LARGE1: variants seen among roughly 807,000 people sequenced by gnomAD.
The protein encoded by LARGE1 is LARGE xylosyl- and glucuronyltransferase 1.
LARGE1 carries 43 observed loss-of-function variants against 87.6 expected under a neutral mutation model. That is an observed-to-expected ratio of 0.49 (90% confidence interval 0.38 to 0.63). LARGE1 has a LOEUF of 0.63. LARGE1 is among the 30% of genes least tolerant of loss of function. The probability of loss-of-function intolerance (pLI) is 0.00; values close to 1 mark genes in which losing one functional copy is unlikely to be tolerated. For synonymous variants in LARGE1, 434 were observed against 394.6 expected (o/e 1.10, Z -1.18); for missense variants, 802 against 1,000.2 (o/e 0.80, Z 2.67).
chr22:33,489,747 G>C (rs2069744806), intron 6 of LARGE1, among the ~76,000 whole-genome samples: 1 of 152,064 alleles, frequency 6.6e-6, no homozygotes, highest in Admixed American at 6.6e-5. Context: ...GTCGTTATCA[G>C]CAGCATGAAA....
chr22:33,899,527 T>C (rs1203297196), intron 1 of LARGE1, among the ~76,000 whole-genome samples: 1 of 152,246 alleles, frequency 6.6e-6, no homozygotes, highest in Non-Finnish European at 1.5e-5. Context: ...CCTGGAAGCA[T>C]GACAGCCAAG....
chr22:33,898,534 C>T (rs1008377969), intron 1 of LARGE1, among the ~76,000 whole-genome samples: 2 of 152,178 alleles, frequency 1.3e-5, no homozygotes, highest in African/African-American at 2.4e-5. Flanking sequence ...GCAGGCGGAT[C>T]GCCTGAGGTT....
At chr22:33,761,910 TG>T (rs1463424530) in intron 1 of LARGE1, among the ~76,000 whole-genome samples, 1 of 152,090 alleles carries the variant, frequency 6.6e-6, no homozygotes, top group Non-Finnish European at 1.5e-5. Context: ...AACCACGTGC[TG>T]TGTTTCAAAA....
In LARGE1 at chr22:33,279,684, A is replaced by G. The variant is rs114428135; in HGVS notation, c.1878-2429T>C. Among the ~76,000 whole-genome samples, 170 of 152,344 alleles carry G rather than the reference A, an allele frequency of 1.1e-3. 1 individual carries two copies. The highest frequency in any genetic ancestry group is 3.8e-3 in the African/African-American group (159 of 41,570). On this transcript the variant is annotated intron_variant, in intron 13 of 14. Coordinates refer to ENST00000397394, the MANE Select transcript of LARGE1 (RefSeq NM_133642.5). ...TAAATGGAAGAAAAATGAAAGGTGA[A>G]GCAATGCCATTTTCATGGAGTGTGG...
intron 1 of LARGE1, among the ~76,000 whole-genome samples, chr22:33,790,148 A>G (rs1378569314): frequency 6.6e-6 from 1 of 152,180 alleles, no homozygotes; most frequent in Non-Finnish European, 1.5e-5. Context: ...CATGGTAGTG[A>G]ATAAGTCTTA....
At chr22:33,673,549 T>G in intron 2 of LARGE1, among the ~76,000 whole-genome samples, 1 of 152,184 alleles carries the variant, frequency 6.6e-6, no homozygotes, top group Non-Finnish European at 1.5e-5. Context: ...TAACATAAAG[T>G]TGACCATCTT....
At chr22:33,734,279 A>G (rs930774396) in intron 2 of LARGE1, among the ~76,000 whole-genome samples, 3 of 152,186 alleles carry the variant, frequency 2.0e-5, no homozygotes. Flanking sequence ...GGACTTCAAC[A>G]TCTTTTGTGG....
At chr22:33,222,990 C>T (rs967908227) in intron 11 of LARGE1, among the ~76,000 whole-genome samples, 6 of 152,162 alleles carry the variant, frequency 3.9e-5, no homozygotes, top group East Asian at 3.9e-4. Flanking sequence ...CTCACCTGCT[C>T]GCTTACGTGT....
At chr22:33,502,386 AG>A (rs763301370) in intron 6 of LARGE1, among the ~76,000 whole-genome samples, 2 of 152,076 alleles carry the variant, frequency 1.3e-5, no homozygotes, top group Non-Finnish European at 2.9e-5. Flanking sequence ...CCAGAGACGG[AG>A]GGAGAATTAT....
At chr22:33,528,899 A>C (rs989767186) in intron 6 of LARGE1, among the ~76,000 whole-genome samples, 1 of 152,140 alleles carries the variant, frequency 6.6e-6, no homozygotes, top group African/African-American at 2.4e-5. Flanking sequence ...TTGAGTGTCT[A>C]CTATACGCCA....
At chr22:33,590,650 C>T (rs886409988) in intron 5 of LARGE1, among the ~76,000 whole-genome samples, 4 of 152,298 alleles carry the variant, frequency 2.6e-5, no homozygotes, top group East Asian at 3.9e-4. Context: ...TGCAGTCTTT[C>T]GGTCTGGCTT....
intron 1 of LARGE1, among the ~76,000 whole-genome samples, chr22:33,809,301 T>C (rs989141594): frequency 1.3e-5 from 2 of 151,938 alleles, no homozygotes; most frequent in Non-Finnish European, 2.9e-5. Context: ...CTGTGTGATG[T>C]ATTTCCCTAG....
chr22:33,081,367 T>C, the LARGE1 span, among the ~76,000 whole-genome samples: 1 of 152,108 alleles, frequency 6.6e-6, no homozygotes, highest in Non-Finnish European at 1.5e-5. Flanking sequence ...GGAAGGACCA[T>C]CTCCAGAAGT....
intron 11 of LARGE1, among the ~76,000 whole-genome samples, chr22:33,196,311 A>G (rs1389715667): frequency 2.0e-5 from 3 of 152,164 alleles, no homozygotes; most frequent in Non-Finnish European, 4.4e-5. Context: ...GAAAGAAAGC[A>G]GAGTTATCAC....
At chr22:33,116,969 T>G in the LARGE1 span, among the ~76,000 whole-genome samples, 198 of 152,246 alleles carry the variant, frequency 1.3e-3, 1 homozygote, top group African/African-American at 4.6e-3. Context: ...ATGCTGCTAG[T>G]TTTCAAGGAA....
the LARGE1 span, among the ~76,000 whole-genome samples, chr22:33,143,464 G>A: frequency 1.3e-5 from 2 of 152,162 alleles, no homozygotes; most frequent in African/African-American, 4.8e-5. Context: ...GTCACCAAAA[G>A]AGCTTCAATG....
chr22:33,116,213 C>T, the LARGE1 span: 2 of 152,214 alleles, frequency 1.3e-5, no homozygotes, highest in Non-Finnish European at 2.9e-5. Context: ...CGCAGGAGCT[C>T]TGACTGCAGC....
chr22:33,771,931 G>A (rs1025531161), intron 1 of LARGE1, among the ~76,000 whole-genome samples: 2 of 152,116 alleles, frequency 1.3e-5, no homozygotes, highest in Admixed American at 1.3e-4. Flanking sequence ...TCCATGCCTC[G>A]CATACATCGT....
At chr22:33,498,828 G>A (rs765169467) in intron 6 of LARGE1, among the ~76,000 whole-genome samples, 7 of 151,988 alleles carry the variant, frequency 4.6e-5, no homozygotes, top group African/African-American at 7.2e-5. Context: ...AAAATTAGCC[G>A]GGAGTGGTGG....
Sources: allele counts gnomAD v4.1 joint callset (sites outside exome capture counted in the v4.1 genomes callset), GRCh38; gene constraint gnomAD v4.1.1; transcripts MANE v1.5; gene names NCBI Gene and HGNC (gene_info 2026-07-23, HGNC 2026-07-21).